Variants in SLC9D1 observed in about 807,000 individuals in gnomAD.
SLC9D1 encodes putative LAG1-interacting protein.
chr13:113,497,736 GTTC>G, the SLC9D1 span, among the ~76,000 whole-genome samples: 1 of 152,246 alleles, frequency 6.6e-6, no homozygotes, highest in African/African-American at 2.4e-5. Flanking sequence ...AGGCGATGAT[GTTC>G]TTCTAGGCTC....
chr13:113,511,079 G>A, the SLC9D1 span, among the ~76,000 whole-genome samples: 1 of 150,842 alleles, frequency 6.6e-6, no homozygotes, highest in Admixed American at 6.6e-5. Flanking sequence ...GCAGGACCGT[G>A]TCCCTGTGCG....
the SLC9D1 span, among the ~76,000 whole-genome samples, chr13:113,498,186 T>G: frequency 1.3e-5 from 2 of 152,238 alleles, no homozygotes; most frequent in Non-Finnish European, 2.9e-5. Context: ...TCAGTTATGT[T>G]TGAATAACTA....
the SLC9D1 span, among the ~76,000 whole-genome samples, chr13:113,532,576 G>T: frequency 6.6e-6 from 1 of 152,148 alleles, no homozygotes; most frequent in Non-Finnish European, 1.5e-5. Context: ...TGGGGGAAGG[G>T]GTGGCAGCCC....
chr13:113,520,126 C>G, the SLC9D1 span, among the ~76,000 whole-genome samples: 1 of 152,152 alleles, frequency 6.6e-6, no homozygotes, highest in African/African-American at 2.4e-5. Context: ...ATGATTTGCT[C>G]TACAACATTT....
the SLC9D1 span, among the ~76,000 whole-genome samples, chr13:113,509,002 G>A: frequency 1.4e-5 from 2 of 146,080 alleles, no homozygotes; most frequent in African/African-American, 5.1e-5. Flanking sequence ...AGCTGCCGGT[G>A]TATGTTGGGA....
the SLC9D1 span, chr13:113,491,407 T>C: frequency 6.8e-6 from 1 of 146,498 alleles, no homozygotes. Flanking sequence ...GTCCCCTTCC[T>C]TCCTTCCCTC....
chr13:113,544,456 G>A, the SLC9D1 span, among the ~76,000 whole-genome samples: 14 of 152,358 alleles, frequency 9.2e-5, no homozygotes, highest in Admixed American at 3.3e-4. Flanking sequence ...ATGAGGGTTC[G>A]CCAGCTGCGG....
At chr13:113,504,181 A>T in the SLC9D1 span, 2 of 152,396 alleles carry the variant, frequency 1.3e-5, no homozygotes, top group Non-Finnish European at 2.9e-5. Flanking sequence ...TTCTTGAACC[A>T]GATTCGTGAG....
chr13:113,503,613 T>G, the SLC9D1 span: 1 of 1,494,244 alleles, frequency 6.7e-7, no homozygotes, highest in Non-Finnish European at 9.3e-7. Context: ...AACCTGTTAC[T>G]GCAGCTAAGG....
At chr13:113,498,247 A>C in the SLC9D1 span, 1 of 934,350 alleles carries the variant, frequency 1.1e-6, no homozygotes, top group East Asian at 2.8e-5. Context: ...ACATATGAAC[A>C]GGGACATTTG....
At chr13:113,522,374 T>C in the SLC9D1 span, among the ~76,000 whole-genome samples, 2 of 152,234 alleles carry the variant, frequency 1.3e-5, no homozygotes, top group African/African-American at 2.4e-5. Flanking sequence ...GGAGTCTCGC[T>C]CTGTCGCCCA....
the SLC9D1 span, among the ~76,000 whole-genome samples, chr13:113,515,264 A>G: frequency 1.8e-4 from 28 of 152,348 alleles, no homozygotes; most frequent in Non-Finnish European, 3.4e-4. Flanking sequence ...GTTAAGATGT[A>G]TTCATACATT....
chr13:113,538,172 T>C, the SLC9D1 span, among the ~76,000 whole-genome samples: 1 of 152,170 alleles, frequency 6.6e-6, no homozygotes, highest in African/African-American at 2.4e-5. Context: ...ATGTGTACTT[T>C]ATGTGGTGTG....
At chr13:113,527,672 T>G in the SLC9D1 span, 2 of 152,258 alleles carry the variant, frequency 1.3e-5, no homozygotes, top group South Asian at 4.1e-4. Context: ...GTTTGTTCTA[T>G]TTGGATTCAG....
the SLC9D1 span, chr13:113,495,957 A>T: frequency 6.2e-7 from 1 of 1,613,826 alleles, no homozygotes; most frequent in African/African-American, 1.3e-5. Flanking sequence ...GGGGGATTAC[A>T]AAGATGTCGT....
At chr13:113,510,402 C>T in the SLC9D1 span, 5 of 1,613,058 alleles carry the variant, frequency 3.1e-6, no homozygotes, top group Middle Eastern at 3.7e-4. Context: ...TCCTCATGGG[C>T]AGTGCTCGGG....
chr13:113,549,517 G>A, the SLC9D1 span: 61 of 1,614,120 alleles, frequency 3.8e-5, no homozygotes, highest in African/African-American at 6.0e-4. Context: ...TGCCCAGACC[G>A]GAGAGACGGT....
the SLC9D1 span, among the ~76,000 whole-genome samples, chr13:113,506,668 G>A: frequency 9.9e-5 from 15 of 152,192 alleles, no homozygotes; most frequent in African/African-American, 3.6e-4. Context: ...GCAGCAGAGC[G>A]TCAACAAGGC....
chr13:113,547,548 G>A, the SLC9D1 span, among the ~76,000 whole-genome samples: 5 of 152,216 alleles, frequency 3.3e-5, no homozygotes, highest in Admixed American at 2.0e-4. Context: ...AGATGTAGAC[G>A]AGGCTGGGCG....
Sources: allele counts gnomAD v4.1 joint callset (sites outside exome capture counted in the v4.1 genomes callset), GRCh38; gene constraint gnomAD v4.1.1; transcripts MANE v1.5; gene names NCBI Gene and HGNC (gene_info 2026-07-23, HGNC 2026-07-21).